Variants in LRP1B observed in about 807,000 individuals in gnomAD.
LRP1B encodes low-density lipoprotein receptor-related protein 1B.
Under a neutral mutation model 556.6 loss-of-function variants are expected in LRP1B, and 217 were observed. The ratio of observed to expected loss-of-function variants is 0.39; its 90% CI spans 0.35 to 0.44. The LOEUF (loss-of-function observed/expected upper bound fraction) is 0.44, where lower values mean the gene tolerates loss of function less well. LRP1B is among the 20% of genes least tolerant of loss of function. The pLI is 1.00. For synonymous variants in LRP1B, 2,047 were observed against 1,865.8 expected, an observed-to-expected ratio of 1.10 and a Z score of -2.50; for missense variants, 5,053 against 5,620.8, an observed-to-expected ratio of 0.90 and a Z score of 3.23.
chr2:140,753,208 A>G (rs143821201), intron 35 of LRP1B, among the ~76,000 whole-genome samples: 65 of 152,316 alleles, frequency 4.3e-4, no homozygotes, highest in African/African-American at 1.5e-3. Flanking sequence ...AGTGTAACAA[A>G]ATACTTAACA....
At chr2:140,681,539 T>C (rs1685859577) in intron 41 of LRP1B, among the ~76,000 whole-genome samples, 1 of 152,136 alleles carries the variant, frequency 6.6e-6, no homozygotes, top group African/African-American at 2.4e-5. Flanking sequence ...GCTTTTAATA[T>C]TTGTCTTAAA....
rs548802853 is a variant in LRP1B at position 140,934,019 on chromosome 2, T to C, written c.3137-10872A>G. Among the ~76,000 whole-genome samples the C allele has an allele frequency of 1.3e-5, 2 of 152,164 alleles. 1 individual carries two copies. The highest frequency in any genetic ancestry group is 3.9e-4 in the East Asian group (2 of 5,178). On this transcript the variant is annotated intron_variant, in intron 20 of 90. Transcript: ENST00000389484. ...ATTAATAATTAACATTGTTTATATG[T>C]CTCAGTGGTATTATATTCTAAGGAA...
chr2:141,050,336 T>A (rs192091095), intron 10 of LRP1B, among the ~76,000 whole-genome samples: 5,240 of 152,002 alleles, frequency 0.034, 104 homozygotes, highest in South Asian at 0.078. Flanking sequence ...GGTAATTTTT[T>A]TAAAAATTTT....
intron 32 of LRP1B, among the ~76,000 whole-genome samples, chr2:140,800,403 A>G (rs183998282): frequency 6.6e-6 from 1 of 152,014 alleles, no homozygotes. Flanking sequence ...TATAATAATT[A>G]AAAAAAAGTT....
At chr2:140,755,631 T>C (rs1004462433) in intron 35 of LRP1B, among the ~76,000 whole-genome samples, 1 of 152,006 alleles carries the variant, frequency 6.6e-6, no homozygotes, top group Non-Finnish European at 1.5e-5. Flanking sequence ...CACTCCTTCA[T>C]GATAAGAATA....
chr2:140,963,460 T>TA (rs1696100433), intron 18 of LRP1B, among the ~76,000 whole-genome samples: 1 of 151,078 alleles, frequency 6.6e-6, no homozygotes. Context: ...TATATATATA[T>TA]TTTTAACCAA....
chr2:140,795,411 T>C (rs964232836), intron 32 of LRP1B, among the ~76,000 whole-genome samples: 4 of 152,116 alleles, frequency 2.6e-5, no homozygotes, highest in African/African-American at 7.2e-5. Context: ...AATGTGCACA[T>C]AGTTATGAGC....
chr2:140,233,712 C>T (rs1006174947), intron 90 of LRP1B, among the ~76,000 whole-genome samples: 2 of 151,158 alleles, frequency 1.3e-5, no homozygotes, highest in African/African-American at 2.4e-5. Context: ...CAAGCCTATC[C>T]GTGGCAAGTA....
rs3039268 is a variant in LRP1B, at chr2:141,644,729, T to TCACACACACA, written c.206-164206_206-164197dup. 6.0e-3 allele frequency among the ~76,000 whole-genome samples: 850 copies of TCACACACACA among 141,592 alleles called. 9 individuals are homozygous for TCACACACACA. The highest frequency in any genetic ancestry group is 0.017 in the African/African-American group (633 of 37,558). 92.9% of individuals were successfully genotyped at this position (141,592 alleles called of 152,430 possible). On this transcript the variant is annotated intron_variant, in intron 2 of 90. Coordinates refer to ENST00000389484, the MANE Select transcript of LRP1B (RefSeq NM_018557.3). ...CAGTTGTCTGATAAGCAGTCATTGA[T>TCACACACACA]CACACACACACACACACACACACAC...
intron 2 of LRP1B, among the ~76,000 whole-genome samples, chr2:141,764,281 C>T (rs1002547493): frequency 8.6e-5 from 13 of 151,914 alleles, no homozygotes; most frequent in South Asian, 2.1e-4. Flanking sequence ...CCCGGGTTCA[C>T]GCCATTCTCC....
chr2:141,544,313 C>CTTCTTCTTCTTCTT (rs1252820297), intron 2 of LRP1B, among the ~76,000 whole-genome samples: 30 of 25,524 alleles, frequency 1.2e-3, no homozygotes, highest in South Asian at 9.7e-3. Flanking sequence ...TCTTCTTCTT[C>CTTCTTCTTCTTCTT]TTCTTCTTCT....
At chr2:141,357,469 G>T (rs541785902) in intron 3 of LRP1B, among the ~76,000 whole-genome samples, 1 of 152,220 alleles carries the variant, frequency 6.6e-6, no homozygotes, top group Admixed American at 6.5e-5. Flanking sequence ...AACCTAAAAT[G>T]CAAACTATTA....
intron 85 of LRP1B, among the ~76,000 whole-genome samples, chr2:140,273,482 T>C (rs796159948): frequency 3.5e-4 from 53 of 152,194 alleles, no homozygotes; most frequent in African/African-American, 1.2e-3. Flanking sequence ...ATACAAATCA[T>C]ATTTAAATTC....
intron 47 of LRP1B, among the ~76,000 whole-genome samples, chr2:140,533,294 A>G (rs1690803375): frequency 6.6e-6 from 1 of 152,072 alleles, no homozygotes; most frequent in South Asian, 2.1e-4. Flanking sequence ...CTTATTTAAT[A>G]TTGTTTTTCT....
chr2:141,604,401 C>G (rs534503746), intron 2 of LRP1B, among the ~76,000 whole-genome samples: 1 of 152,090 alleles, frequency 6.6e-6, no homozygotes, highest in South Asian at 2.1e-4. Context: ...AAAAATACTA[C>G]TATTGATAGA....
At chr2:140,762,007 C>G (rs887421462) in intron 35 of LRP1B, among the ~76,000 whole-genome samples, 4 of 148,674 alleles carry the variant, frequency 2.7e-5, no homozygotes, top group African/African-American at 1.0e-4. Flanking sequence ...GATGATGATG[C>G]CTTCCCTAAC....
rs186711988 is a variant in LRP1B, at chr2:140,874,880, G to A, written c.4170-6617C>T. Among the ~76,000 whole-genome samples the A allele has an allele frequency of 6.4e-3, 970 of 152,004 alleles. 8 individuals are homozygous for A. The highest frequency in any genetic ancestry group is 0.022 in the African/African-American group (898 of 41,462). ...CTAAAAATAAAAAAAATAGCGGGGC[G>A]TGGTGGCAGGCACCTGTAATCCCAG... On this transcript the variant is annotated intron_variant, in intron 25 of 90. Coordinates refer to ENST00000389484, the MANE Select transcript of LRP1B (RefSeq NM_018557.3).
At chr2:141,481,317 A>G (rs1474039068) in intron 2 of LRP1B, among the ~76,000 whole-genome samples, 1 of 152,072 alleles carries the variant, frequency 6.6e-6, no homozygotes, top group East Asian at 1.9e-4. Context: ...CAGGCTGTCA[A>G]TTCCCAAATC....
intron 20 of LRP1B, among the ~76,000 whole-genome samples, chr2:140,933,670 T>C (rs1695119541): frequency 6.6e-6 from 1 of 152,084 alleles, no homozygotes; most frequent in African/African-American, 2.4e-5. Flanking sequence ...ATTGTCTTAC[T>C]AAAAAAGCTA....
Sources: allele counts gnomAD v4.1 joint callset (sites outside exome capture counted in the v4.1 genomes callset), GRCh38; gene constraint gnomAD v4.1.1; transcripts MANE v1.5; gene names NCBI Gene and HGNC (gene_info 2026-07-23, HGNC 2026-07-21).